Variants in OPCML observed in about 807,000 individuals in gnomAD.
OPCML encodes opioid-binding protein/cell adhesion molecule.
In OPCML, 13 loss-of-function variants were observed where a neutral mutation model predicts 37.8. The observed-to-expected ratio is 0.34, with a 90% CI of 0.22 to 0.55. The LOEUF (loss-of-function observed/expected upper bound fraction) is 0.55, where lower values mean the gene tolerates loss of function less well. Ranked by LOEUF, OPCML falls within the 20% of genes least tolerant of loss-of-function variation. The probability of loss-of-function intolerance (pLI) is 0.91; values close to 1 mark genes in which losing one functional copy is unlikely to be tolerated. For synonymous variants in OPCML, 176 were observed against 168.8 expected, an observed-to-expected ratio of 1.04 and a Z score of -0.33; for missense variants, 341 against 435.6, an observed-to-expected ratio of 0.78 and a Z score of 1.93.
At chr11:132,467,066 G>A (rs2096122324) in intron 4 of OPCML, among the ~76,000 whole-genome samples, 1 of 152,190 alleles carries the variant, frequency 6.6e-6, no homozygotes, top group Admixed American at 6.5e-5. Flanking sequence ...TCGAGCTGAT[G>A]CAGTTTAAAG....
intron 1 of OPCML, chr11:133,004,851 C>A: frequency 2.0e-6 from 2 of 985,418 alleles, no homozygotes; most frequent in Non-Finnish European, 2.4e-6. Flanking sequence ...AACACCATCC[C>A]CAAGACAGAA....
chr11:133,279,279 C>G (rs1942075736), intron 1 of OPCML, among the ~76,000 whole-genome samples: 1 of 152,172 alleles, frequency 6.6e-6, no homozygotes, highest in African/African-American at 2.4e-5. Context: ...GTGCTCTGAT[C>G]CTCTCAGAAT....
At chr11:132,917,198 C>T (rs112905386) in intron 2 of OPCML, among the ~76,000 whole-genome samples, 170 of 152,328 alleles carry the variant, frequency 1.1e-3, no homozygotes, top group African/African-American at 3.9e-3. Context: ...TTTAACATCA[C>T]GGCTTGTATT....
intron 1 of OPCML, among the ~76,000 whole-genome samples, chr11:133,433,126 G>A (rs551078248): frequency 6.6e-6 from 1 of 151,424 alleles, no homozygotes; most frequent in Admixed American, 6.6e-5. Flanking sequence ...ATATTTCTAC[G>A]AAGTTTTATT....
chr11:133,245,171 A>G (rs1940876243), intron 1 of OPCML, among the ~76,000 whole-genome samples: 4 of 152,238 alleles, frequency 2.6e-5, no homozygotes, highest in Admixed American at 2.6e-4. Context: ...GTGTGGAGCC[A>G]TATAGCACAA....
chr11:133,532,110 T>C, intron 1 of OPCML, 154 bp downstream of exon 1: 1 of 736,062 alleles, frequency 1.4e-6, no homozygotes, highest in Non-Finnish European at 1.7e-6. Flanking sequence ...TGTGTGTGCG[T>C]GCACACAGCA....
At chr11:133,099,353 C>T (rs543713880) in intron 1 of OPCML, among the ~76,000 whole-genome samples, 1 of 151,900 alleles carries the variant, frequency 6.6e-6, no homozygotes, top group Non-Finnish European at 1.5e-5. Context: ...AGCTCCACCT[C>T]CCAGGTTCAT....
intron 1 of OPCML, among the ~76,000 whole-genome samples, chr11:132,969,529 C>T (rs1381477731): frequency 6.6e-6 from 1 of 151,974 alleles, no homozygotes; most frequent in Non-Finnish European, 1.5e-5. Context: ...TGTTCTGGGA[C>T]CCCCCCTGCA....
chr11:132,834,562 C>T (rs375663112), intron 2 of OPCML, among the ~76,000 whole-genome samples: 26 of 152,298 alleles, frequency 1.7e-4, no homozygotes, highest in Admixed American at 1.4e-3. Context: ...CTTTGGCCTG[C>T]GGCAGCACAG....
At chr11:132,598,462 C>G (rs1436903613) in intron 3 of OPCML, among the ~76,000 whole-genome samples, 1 of 152,096 alleles carries the variant, frequency 6.6e-6, no homozygotes, top group Non-Finnish European at 1.5e-5. Flanking sequence ...CACGCCATTT[C>G]TATAAATTAA....
intron 4 of OPCML, among the ~76,000 whole-genome samples, chr11:132,520,383 G>C (rs928097935): frequency 1.3e-5 from 2 of 152,080 alleles, no homozygotes; most frequent in African/African-American, 4.8e-5. Flanking sequence ...TTCCCTCCCT[G>C]TGAAATAGAC....
At chr11:133,152,508 G>A (rs901473199) in intron 1 of OPCML, among the ~76,000 whole-genome samples, 14 of 151,896 alleles carry the variant, frequency 9.2e-5, no homozygotes, top group Admixed American at 8.5e-4. Flanking sequence ...CTCTTGCAAT[G>A]CCCACCCTCC....
intron 1 of OPCML, among the ~76,000 whole-genome samples, chr11:133,490,224 G>C (rs1947625182): frequency 6.6e-6 from 1 of 152,166 alleles, no homozygotes; most frequent in Admixed American, 6.5e-5. Context: ...AAACAAAGTG[G>C]CATAAGGTTG....
intron 1 of OPCML, among the ~76,000 whole-genome samples, chr11:133,126,362 C>G (rs772263465): frequency 5.3e-5 from 8 of 152,146 alleles, no homozygotes; most frequent in Admixed American, 1.3e-4. Flanking sequence ...TGAGGGTGAT[C>G]TGAATTCAGC....
intron 4 of OPCML, among the ~76,000 whole-genome samples, chr11:132,459,996 G>T (rs964026465): frequency 2.4e-4 from 37 of 152,268 alleles, no homozygotes; most frequent in African/African-American, 7.7e-4. Flanking sequence ...TATGTCAGTT[G>T]TTTTTTCAAA....
rs536231796 is a variant in OPCML, at chr11:133,240,143, GT to G, written c.61+292120del. 7.9e-3 allele frequency among the ~76,000 whole-genome samples: 1,051 copies of G among 132,802 alleles called. 4 individuals carry two copies. The highest frequency in any genetic ancestry group is 0.016 in the Admixed American group (177 of 10,876). 87.1% of individuals were successfully genotyped at this position (132,802 alleles called of 152,430 possible). ...TCTGCCTTCCTCTCAAAGCCTCTGT[GT>G]TGTGTGCTTCCCTTCTGCAAATAAG... On this transcript the variant is annotated intron_variant, in intron 1 of 7. Transcript: ENST00000524381.
intron 2 of OPCML, among the ~76,000 whole-genome samples, chr11:132,734,355 C>T (rs544001469): frequency 2.0e-5 from 3 of 152,272 alleles, no homozygotes; most frequent in South Asian, 2.1e-4. Context: ...TCACAAAAGG[C>T]GTTGCAGTTT....
intron 1 of OPCML, among the ~76,000 whole-genome samples, chr11:133,076,674 T>C (rs763851819): frequency 1.3e-5 from 2 of 151,268 alleles, no homozygotes; most frequent in African/African-American, 4.9e-5. Flanking sequence ...CATAGAATCA[T>C]GTGTGAATGC....
At chr11:132,540,994 C>CCA (rs752371586) in intron 3 of OPCML, among the ~76,000 whole-genome samples, 1 of 152,210 alleles carries the variant, frequency 6.6e-6, no homozygotes, top group South Asian at 2.1e-4. Flanking sequence ...GTTCTTCTGG[C>CCA]CACACACACA....
Sources: gnomAD v4.1 joint callset for allele counts (sites outside exome capture counted in the v4.1 genomes callset) on GRCh38, gnomAD v4.1.1 for gene constraint, MANE v1.5 for transcripts, NCBI Gene and HGNC (gene_info 2026-07-23, HGNC 2026-07-21) for gene names.